F8: variants seen among roughly 807,000 people sequenced by gnomAD.
F8 encodes coagulation factor VIII.
In F8, 12 loss-of-function variants were observed where a neutral mutation model predicts 140.6. The observed-to-expected ratio is 0.09, with a 90% CI of 0.05 to 0.14. F8 has a LOEUF of 0.14. Ranked by LOEUF, F8 falls within the 10% of genes least tolerant of loss-of-function variation. F8 has a pLI of 1.00. For synonymous variants in F8, 585 were observed against 614.6 expected (o/e 0.95, Z 0.71); for missense variants, 1,354 against 1,720.7 (o/e 0.79, Z 3.77).
At chrX:154,977,129 A>G (rs1313190401) in intron 6 of F8, among the ~76,000 whole-genome samples, 2 of 112,170 alleles carry the variant, frequency 1.8e-5, no homozygotes, top group Admixed American at 1.9e-4. Flanking sequence ...GTTTGAACTG[A>G]TAACAACTTA....
rs781818244 is a variant in F8, at chrX:154,913,948, G to T, written c.5220-7375C>A. 7.1e-5 allele frequency among the ~76,000 whole-genome samples: 8 copies of T among 112,929 alleles called. No individual in the cohort carries two copies. The Admixed American group carries it at 7.4e-4, about 10-fold the overall frequency. ...GTGCCCCAGTGGTGACTGTGTGGGG[G>T]CTCCCACCCCACATTTCTTTTCCTC... On this transcript the variant is annotated intron_variant, in intron 14 of 25. Transcript: ENST00000360256.
intron 14 of F8, among the ~76,000 whole-genome samples, chrX:154,927,903 C>A (rs186540596): frequency 1.8e-5 from 2 of 112,003 alleles, no homozygotes; most frequent in African/African-American, 6.5e-5. Context: ...TCTATGACCA[C>A]CACAGCTAAT....
intron 25 of F8, among the ~76,000 whole-genome samples, chrX:154,847,233 A>G (rs1318961624): frequency 1.8e-5 from 2 of 111,155 alleles, no homozygotes; most frequent in African/African-American, 6.6e-5. Flanking sequence ...CCTTCATTTC[A>G]ACTTTGGTGA....
chrX:154,843,158 T>C (rs2072535149), intron 25 of F8, among the ~76,000 whole-genome samples: 1 of 112,064 alleles, frequency 8.9e-6, no homozygotes, highest in African/African-American at 3.2e-5. Flanking sequence ...TATTCCATGG[T>C]GTATATGTGC....
intron 1 of F8, among the ~76,000 whole-genome samples, chrX:155,021,223 T>C: frequency 9.0e-6 from 1 of 111,566 alleles, no homozygotes; most frequent in South Asian, 3.7e-4. Context: ...AACCTTTGTG[T>C]GTGTGTATGT....
chrX:154,845,141 C>T (rs2072554806), intron 25 of F8, among the ~76,000 whole-genome samples: 1 of 111,708 alleles, frequency 9.0e-6, no homozygotes, highest in African/African-American at 3.3e-5. Flanking sequence ...AGAGATGAAG[C>T]CCACTTGATC....
intron 11 of F8, among the ~76,000 whole-genome samples, chrX:154,954,621 C>A (rs1227822341): frequency 8.1e-5 from 9 of 111,722 alleles, no homozygotes; most frequent in African/African-American, 2.9e-4. Flanking sequence ...GTATATGAAC[C>A]AGATTTATGA....
At chrX:155,022,376 G>C (rs782366169) in intron 1 of F8, 34 bp downstream of exon 1, 1 of 1,197,865 alleles carries the variant, frequency 8.3e-7, no homozygotes, top group South Asian at 1.8e-5. Flanking sequence ...CCACAATCCT[G>C]GCCCCGATCA....
chrX:154,966,433 C>T lies in F8; in HGVS notation c.1264G>A (p.Asp422Asn), dbSNP rs370737113. The T allele has an allele frequency of 1.6e-5, 19 of 1,209,049 alleles. No homozygotes were observed. The East Asian group carries it at 1.8e-4, about 11-fold the overall frequency. Residue 422 changes from aspartate to asparagine, a missense_variant, in exon 8 of 26, where the codon GAT becomes AAT. This residue lies in a region of F8 where 252 missense variants were observed against 338.5 expected (regional missense o/e 0.74). Transcript: ENST00000360256. ...TAGTCAAAAAGTGCTTACCTGTCAT[C>T]GGGGGCGAGGACTAAGGGAGCATAG... is the stretch of plus-strand genomic sequence containing the variant. ...WDYAPLVLAP[D>N]DRSYKSQYLN...
In F8 at chrX:154,986,524, C is replaced by G. The variant is rs181538059; in HGVS notation, c.670+713G>C. 4.8e-3 allele frequency among the ~76,000 whole-genome samples: 531 copies of G among 110,569 alleles called. 6 individuals are homozygous for G. Among genetic ancestry groups the G allele is most frequent in the African/African-American group, 0.017 (506 of 30,345 alleles). The stretch of plus-strand genomic sequence containing the variant: ...CAGGCTGGTCTCAAACTCCTGGGCT[C>G]AAGCAATCTGCCCACCTCAGCCTCC... On this transcript the variant is annotated intron_variant, in intron 5 of 25. Coordinates refer to ENST00000360256, the MANE Select transcript of F8 (RefSeq NM_000132.4).
At chrX:154,926,581 G>T (rs2073161757) in intron 14 of F8, among the ~76,000 whole-genome samples, 1 of 111,049 alleles carries the variant, frequency 9.0e-6, no homozygotes, top group African/African-American at 3.3e-5. Flanking sequence ...TTGCCATGTT[G>T]CCCAGGCTGA....
At chrX:154,974,119 A>G (rs1240161447) in intron 6 of F8, among the ~76,000 whole-genome samples, 1 of 112,078 alleles carries the variant, frequency 8.9e-6, no homozygotes, top group Non-Finnish European at 1.9e-5. Flanking sequence ...AGCCTGGCCA[A>G]ACAGGGACAA....
chrX:154,977,760 T>C (rs1557283133), intron 6 of F8, among the ~76,000 whole-genome samples: 1 of 110,508 alleles, frequency 9.0e-6, no homozygotes, highest in East Asian at 2.8e-4. Flanking sequence ...TTGTATTTAT[T>C]TGGGTATTTT....
intron 12 of F8, among the ~76,000 whole-genome samples, chrX:154,951,607 T>C (rs1397480062): frequency 8.9e-6 from 1 of 111,979 alleles, no homozygotes; most frequent in African/African-American, 3.2e-5. Context: ...GGTATTTCAT[T>C]GTATGAAAAT....
chrX:154,953,845 T>C (rs1557280924), intron 12 of F8, 47 bp downstream of exon 12: 4 of 1,197,721 alleles, frequency 3.3e-6, no homozygotes, highest in Non-Finnish European at 4.5e-6. Context: ...ATTACATCAA[T>C]TTTTCTTTAT....
chrX:154,876,884 A>C (rs975507187), intron 22 of F8, among the ~76,000 whole-genome samples: 28 of 111,663 alleles, frequency 2.5e-4, no homozygotes, highest in African/African-American at 9.1e-4. Flanking sequence ...TAAAATAATG[A>C]ATGTGTAGTC....
chrX:154,881,600 G>A (rs1466609569), intron 22 of F8, among the ~76,000 whole-genome samples: 1 of 110,091 alleles, frequency 9.1e-6, no homozygotes, highest in African/African-American at 3.4e-5. Context: ...GGGGGCGGGG[G>A]AGGGGGCTCA....
At chrX:154,841,946 T>A (rs2072525109) in intron 25 of F8, among the ~76,000 whole-genome samples, 1 of 111,917 alleles carries the variant, frequency 8.9e-6, no homozygotes. Context: ...TAACATTCCA[T>A]CTTTTTCCAT....
intron 1 of F8, among the ~76,000 whole-genome samples, chrX:155,007,381 G>A (rs1603437122): frequency 8.9e-6 from 1 of 112,078 alleles, no homozygotes; most frequent in Non-Finnish European, 1.9e-5. Context: ...ACCCAAAAGC[G>A]TGGCTTCCCA....
Sources: allele counts gnomAD v4.1 joint callset (sites outside exome capture counted in the v4.1 genomes callset), GRCh38; gene constraint gnomAD v4.1.1; regional missense constraint gnomAD v4.1.1; transcripts MANE v1.5; gene names NCBI Gene and HGNC (gene_info 2026-07-23, HGNC 2026-07-21).